The following EML6 variants were observed in gnomAD, a reference collection of about 807,000 sequenced individuals.
EML6 encodes the protein EMAP like 6, also known as echinoderm microtubule-associated protein-like 6.
In EML6, 154 loss-of-function variants were observed where a neutral mutation model predicts 240.1. The ratio of observed to expected loss-of-function variants is 0.64; its 90% CI spans 0.56 to 0.73. The LOEUF (loss-of-function observed/expected upper bound fraction) is 0.73. EML6 is among the 30% of genes least tolerant of loss of function. The probability of loss-of-function intolerance (pLI) is 0.00; values close to 1 mark genes in which losing one functional copy is unlikely to be tolerated. For synonymous variants in EML6, 1,148 were observed against 899.0 expected (o/e 1.28, Z -4.95); for missense variants, 2,964 against 2,474.6 (o/e 1.20, Z -4.20).
chr2:54,743,763 A>G (rs961552366), intron 2 of EML6, among the ~76,000 whole-genome samples: 9 of 152,172 alleles, frequency 5.9e-5, no homozygotes, highest in African/African-American at 2.2e-4. Flanking sequence ...TTTATGTTAT[A>G]TACTTGTATT....
intron 2 of EML6, among the ~76,000 whole-genome samples, chr2:54,798,161 T>G (rs964377170): frequency 6.6e-6 from 1 of 152,116 alleles, no homozygotes; most frequent in African/African-American, 2.4e-5. Flanking sequence ...CTATGTAGTA[T>G]TTTATAGTTT....
chr2:54,943,840 G>T (rs1445274006), intron 28 of EML6, among the ~76,000 whole-genome samples: 7 of 152,174 alleles, frequency 4.6e-5, no homozygotes, highest in Admixed American at 3.3e-4. Flanking sequence ...AAACTTTTCA[G>T]TAGGACTTCA....
At chr2:54,882,077 C>G (rs952844459) in intron 17 of EML6, 3 of 152,146 alleles carry the variant, frequency 2.0e-5, no homozygotes, top group Admixed American at 6.5e-5. Context: ...TTAAATGAAC[C>G]TACTCTTTAG....
intron 11 of EML6, among the ~76,000 whole-genome samples, chr2:54,855,124 T>C (rs1168856455): frequency 6.6e-6 from 1 of 152,200 alleles, no homozygotes; most frequent in East Asian, 1.9e-4. Context: ...TATTCTTACA[T>C]TGCTGTAAAG....
chr2:54,966,803 G>T, intron 38 of EML6, 197 bp from the exon 39 acceptor site: 1 of 418,796 alleles, frequency 2.4e-6, no homozygotes, highest in Non-Finnish European at 4.4e-6. Flanking sequence ...GAAAATGGAT[G>T]AGAAGAAAGA....
chr2:54,749,500 G>T (rs1405374890), intron 2 of EML6, among the ~76,000 whole-genome samples: 3 of 152,018 alleles, frequency 2.0e-5, no homozygotes, highest in African/African-American at 7.2e-5. Context: ...GATGCAGAGA[G>T]AAGATAAAAC....
intron 2 of EML6, among the ~76,000 whole-genome samples, chr2:54,773,734 C>A (rs891621155): frequency 6.6e-6 from 1 of 152,226 alleles, no homozygotes; most frequent in Non-Finnish European, 1.5e-5. Flanking sequence ...TTGCAGCTAA[C>A]TTTAAGTTTG....
At chr2:54,828,642 T>G (rs1438366961) in intron 6 of EML6, among the ~76,000 whole-genome samples, 1 of 150,748 alleles carries the variant, frequency 6.6e-6, no homozygotes, top group African/African-American at 2.5e-5. Context: ...GCTCTTAAAA[T>G]AATAGGTCAG....
chr2:54,969,012 T>C (rs1248052932), intron 41 of EML6, among the ~76,000 whole-genome samples: 1 of 152,144 alleles, frequency 6.6e-6, no homozygotes, highest in Non-Finnish European at 1.5e-5. Flanking sequence ...GGGCATGTGA[T>C]AGCTACTCTG....
At chr2:54,928,097 C>A (rs535880867) in intron 26 of EML6, among the ~76,000 whole-genome samples, 1 of 152,170 alleles carries the variant, frequency 6.6e-6, no homozygotes, top group Non-Finnish European at 1.5e-5. Flanking sequence ...TTCATTCATT[C>A]CCTCAAAAAT....
chr2:54,959,841 G>A (rs894826211), intron 34 of EML6, among the ~76,000 whole-genome samples: 16 of 152,174 alleles, frequency 1.1e-4, no homozygotes, highest in Admixed American at 3.3e-4. Context: ...TTGATAAAAC[G>A]TTATTCTTAG....
chr2:54,903,623 AT>A, intron 24 of EML6, 121 bp downstream of exon 24: 1 of 720,894 alleles, frequency 1.4e-6, no homozygotes, highest in Non-Finnish European at 2.1e-6. Flanking sequence ...TCCCACAACA[AT>A]ATAAACGACT....
At chr2:54,794,370 T>C (rs753235429) in intron 2 of EML6, among the ~76,000 whole-genome samples, 7 of 152,196 alleles carry the variant, frequency 4.6e-5, no homozygotes, top group Non-Finnish European at 1.0e-4. Flanking sequence ...ATTGATATTA[T>C]ACAAATTTTT....
intron 2 of EML6, among the ~76,000 whole-genome samples, chr2:54,803,577 T>C (rs779122711): frequency 2.6e-5 from 4 of 152,168 alleles, no homozygotes; most frequent in Non-Finnish European, 5.9e-5. Flanking sequence ...TGTCAATGCT[T>C]TGGAGAACGC....
intron 5 of EML6, among the ~76,000 whole-genome samples, chr2:54,827,180 T>TA (rs749289219): frequency 2.0e-5 from 3 of 152,222 alleles, no homozygotes; most frequent in Admixed American, 6.5e-5. Context: ...TTTTTATACT[T>TA]ATCTGTGTTT....
At chr2:54,892,839 T>G (rs1672548607) in intron 19 of EML6, among the ~76,000 whole-genome samples, 183 bp downstream of exon 19, 1 of 152,208 alleles carries the variant, frequency 6.6e-6, no homozygotes, top group African/African-American at 2.4e-5. Flanking sequence ...TAATTTCGTT[T>G]ACAGTTGTTT....
chr2:54,950,853 C>A, intron 30 of EML6, 74 bp downstream of exon 30: 1 of 1,441,670 alleles, frequency 6.9e-7, no homozygotes, highest in Non-Finnish European at 9.4e-7. Context: ...TTTAGATGCC[C>A]AAAAGCTTAA....
chr2:54,733,691 G>T (rs113514485), intron 2 of EML6, among the ~76,000 whole-genome samples: 19 of 152,066 alleles, frequency 1.2e-4, no homozygotes, highest in Non-Finnish European at 2.4e-4. Context: ...AGTACAATCC[G>T]TCTTGGTCCT....
intron 2 of EML6, among the ~76,000 whole-genome samples, chr2:54,800,138 G>C (rs932681531): frequency 6.6e-6 from 1 of 152,082 alleles, no homozygotes; most frequent in African/African-American, 2.4e-5. Flanking sequence ...CCAGCTACTC[G>C]GGAGGCTGAG....
Sources: allele counts gnomAD v4.1 joint callset (sites outside exome capture counted in the v4.1 genomes callset), GRCh38; gene constraint gnomAD v4.1.1; transcripts MANE v1.5; gene names NCBI Gene and HGNC (gene_info 2026-07-23, HGNC 2026-07-21).